P3H2: variants seen among roughly 807,000 people sequenced by gnomAD.
P3H2 encodes the protein prolyl 3-hydroxylase 2.
In P3H2, 80 loss-of-function variants were observed where a neutral mutation model predicts 87.0. The ratio of observed to expected loss-of-function variants is 0.92; its 90% CI spans 0.77 to 1.11. The LOEUF is 1.11. P3H2 is among the 50% of genes least tolerant of loss of function. P3H2 has a pLI of 0.00. For synonymous variants in P3H2, 367 were observed against 359.3 expected, an observed-to-expected ratio of 1.02 and a Z score of -0.24; for missense variants, 1,001 against 923.9, an observed-to-expected ratio of 1.08 and a Z score of -1.08.
intron 1 of P3H2, among the ~76,000 whole-genome samples, chr3:190,060,676 G>T (rs1726304022): frequency 6.6e-6 from 1 of 151,996 alleles, no homozygotes; most frequent in African/African-American, 2.4e-5. Context: ...TATCTCCAAG[G>T]GAAAACCAAA....
chr3:190,072,044 C>T (rs1465661967), intron 1 of P3H2, among the ~76,000 whole-genome samples: 1 of 146,282 alleles, frequency 6.8e-6, no homozygotes, highest in African/African-American at 2.6e-5. Flanking sequence ...TGCAGTGGCG[C>T]CATCTCGGCT....
chr3:190,063,742 C>G (rs1482171093), intron 1 of P3H2, among the ~76,000 whole-genome samples: 2 of 151,986 alleles, frequency 1.3e-5, no homozygotes, highest in Admixed American at 1.3e-4. Context: ...GTATGGTGAC[C>G]ATTAGAGACT....
At chr3:190,074,675 TAA>T (rs1560389659) in intron 1 of P3H2, among the ~76,000 whole-genome samples, 1 of 152,128 alleles carries the variant, frequency 6.6e-6, no homozygotes, top group Non-Finnish European at 1.5e-5. Flanking sequence ...GGGGAAAAAC[TAA>T]AAAGAGATGG....
chr3:189,984,534 T>G lies in P3H2; in HGVS notation c.1229+16A>C, dbSNP rs1472607434. ...TCTCCTCATAAAAAACCAGTTTGCA[T>G]TCTGAATGGACTTACCGATTCTCAT... On this transcript the variant is annotated intron_variant, in intron 7 of 14. Transcript: ENST00000319332. The G allele has an allele frequency of 6.2e-7, 1 of 1,605,446 alleles. No homozygotes were observed. The highest frequency in any genetic ancestry group is 1.1e-5 in the South Asian group (1 of 90,876).
chr3:190,071,676 G>C (rs1387594790), intron 1 of P3H2, among the ~76,000 whole-genome samples: 1 of 152,034 alleles, frequency 6.6e-6, no homozygotes, highest in African/African-American at 2.4e-5. Context: ...AAAAGAAAAA[G>C]CTGCAGATGT....
chr3:190,004,189 T>C (rs75062307), intron 1 of P3H2, among the ~76,000 whole-genome samples: 2,551 of 152,254 alleles, frequency 0.017, 72 homozygotes, highest in African/African-American at 0.058. Flanking sequence ...AGGTTGTATG[T>C]TTTATATAGT....
intron 1 of P3H2, among the ~76,000 whole-genome samples, chr3:190,075,880 G>A (rs1726856708): frequency 6.6e-6 from 1 of 152,188 alleles, no homozygotes. Context: ...GAGGAATAAT[G>A]TGATTGAATT....
At chr3:189,997,083 G>A (rs527347692) in intron 1 of P3H2, among the ~76,000 whole-genome samples, 2 of 152,108 alleles carry the variant, frequency 1.3e-5, no homozygotes, top group African/African-American at 4.8e-5. Context: ...GTGCAATGGC[G>A]CGATCTTGGC....
At chr3:190,038,869 T>A (rs1221597715) in intron 1 of P3H2, among the ~76,000 whole-genome samples, 1 of 152,180 alleles carries the variant, frequency 6.6e-6, no homozygotes, top group Non-Finnish European at 1.5e-5. Context: ...CTTCATGAAA[T>A]CCTACTCTTT....
intron 13 of P3H2, among the ~76,000 whole-genome samples, chr3:189,966,249 C>T (rs1298134973): frequency 6.6e-6 from 1 of 151,908 alleles, no homozygotes; most frequent in African/African-American, 2.4e-5. Flanking sequence ...TCTGGGCTGC[C>T]CACTCCCTGG....
At chr3:189,974,271 A>G (rs980599380) in intron 9 of P3H2, 9 of 591,146 alleles carry the variant, frequency 1.5e-5, no homozygotes, top group Admixed American at 6.0e-5. Flanking sequence ...ATAATTAATT[A>G]AAATAAAAGG....
At chr3:190,065,879 TC>T (rs976446636) in intron 1 of P3H2, among the ~76,000 whole-genome samples, 4 of 152,098 alleles carry the variant, frequency 2.6e-5, no homozygotes, top group Non-Finnish European at 5.9e-5. Flanking sequence ...CTTTGCTGTA[TC>T]CCAGAGATTT....
intron 1 of P3H2, among the ~76,000 whole-genome samples, chr3:190,026,876 G>C (rs531659569): frequency 3.9e-5 from 6 of 152,098 alleles, no homozygotes; most frequent in Non-Finnish European, 7.4e-5. Flanking sequence ...CCCAATCTGC[G>C]AAGTGTGTAG....
chr3:189,984,629 T>C, intron 6 of P3H2, 39 bp from the exon 7 acceptor site: 1 of 1,442,738 alleles, frequency 6.9e-7, no homozygotes, highest in Non-Finnish European at 9.7e-7. Context: ...GCAGTAATTT[T>C]GTCACTAAAA....
intron 1 of P3H2, among the ~76,000 whole-genome samples, chr3:190,061,109 A>G (rs1470484788): frequency 6.6e-6 from 1 of 152,122 alleles, no homozygotes; most frequent in Non-Finnish European, 1.5e-5. Flanking sequence ...TTCTGACTAT[A>G]GAGGAATATA....
chr3:190,008,067 T>C (rs1724452094), intron 1 of P3H2, among the ~76,000 whole-genome samples: 3 of 150,620 alleles, frequency 2.0e-5, no homozygotes, highest in Admixed American at 6.6e-5. Flanking sequence ...ATGCAGATAT[T>C]GAAATAGCTC....
At chr3:190,000,962 T>C (rs1724194453) in intron 1 of P3H2, among the ~76,000 whole-genome samples, 2 of 152,232 alleles carry the variant, frequency 1.3e-5, no homozygotes, top group Admixed American at 6.5e-5. Flanking sequence ...CAGTCAGAGA[T>C]GATGCTTTTA....
chr3:190,088,742 T>A (rs565641216), intron 1 of P3H2, among the ~76,000 whole-genome samples: 6 of 152,324 alleles, frequency 3.9e-5, no homozygotes, highest in African/African-American at 2.4e-5. Flanking sequence ...TCTCATTTTT[T>A]AAAAAAGTAA....
At chr3:190,001,690 G>A (rs1473442765) in intron 1 of P3H2, among the ~76,000 whole-genome samples, 1 of 152,180 alleles carries the variant, frequency 6.6e-6, no homozygotes, top group East Asian at 1.9e-4. Context: ...ATTACAGCAT[G>A]TATATCACAC....
Sources: allele counts gnomAD v4.1 joint callset (sites outside exome capture counted in the v4.1 genomes callset), GRCh38; gene constraint gnomAD v4.1.1; transcripts MANE v1.5; gene names NCBI Gene and HGNC (gene_info 2026-07-23, HGNC 2026-07-21).